The following CSMD1 variants were observed in gnomAD, a reference collection of about 807,000 sequenced individuals.
CSMD1 encodes the protein CUB and sushi domain-containing protein 1.
CSMD1 carries 213 observed loss-of-function variants against 417.5 expected under a neutral mutation model. The ratio of observed to expected loss-of-function variants is 0.51; its 90% CI spans 0.46 to 0.57. The LOEUF (loss-of-function observed/expected upper bound fraction) is 0.57. Ranked by LOEUF, CSMD1 falls within the 20% of genes least tolerant of loss-of-function variation. The probability of loss-of-function intolerance (pLI) is 0.00; values close to 1 mark genes in which losing one functional copy is unlikely to be tolerated. For synonymous variants in CSMD1, 2,862 were observed against 1,736.8 expected (o/e 1.65, Z -16.11); for missense variants, 6,923 against 4,529.7 (o/e 1.53, Z -15.17).
chr8:3,387,478 A>T lies in CSMD1; in HGVS notation c.2782+16T>A. 1 of 1,581,930 alleles carries T rather than the reference A, an allele frequency of 6.3e-7. No individual in the cohort carries two copies. ...GCACACCCTGCTGGTGCATTGCCTC[A>T]CTGAGCTGTACCTACCGTCGCAGCT... On this transcript the variant is annotated intron_variant, in intron 18 of 69. Transcript: ENST00000635120.
chr8:3,837,087 C>T (rs188729382), intron 5 of CSMD1, among the ~76,000 whole-genome samples: 7 of 150,494 alleles, frequency 4.7e-5, no homozygotes, highest in Admixed American at 2.0e-4. Context: ...CTAGGAAGAA[C>T]GCTACCATTG....
At chr8:4,047,425 A>G (rs2554555) in intron 3 of CSMD1, among the ~76,000 whole-genome samples, 83,854 of 152,112 alleles carry the variant, frequency 0.55, 23,827 homozygotes, top group Non-Finnish European at 0.62. Flanking sequence ...AATTGAAATT[A>G]AAATGGCATT....
At chr8:4,943,965 A>G (rs1808200398) in intron 1 of CSMD1, among the ~76,000 whole-genome samples, 1 of 152,214 alleles carries the variant, frequency 6.6e-6, no homozygotes, top group South Asian at 2.1e-4. Context: ...ATTAAGGGAA[A>G]GAAACATGAC....
At chr8:3,839,872 A>C (rs1021531845) in intron 5 of CSMD1, among the ~76,000 whole-genome samples, 86 of 151,896 alleles carry the variant, frequency 5.7e-4, no homozygotes, top group African/African-American at 1.7e-3. Flanking sequence ...GGCAGTTTCT[A>C]AGGATCAGAA....
At chr8:3,987,476 G>C (rs1290686960) in intron 5 of CSMD1, among the ~76,000 whole-genome samples, 2 of 152,180 alleles carry the variant, frequency 1.3e-5, no homozygotes, top group African/African-American at 4.8e-5. Flanking sequence ...CACCCAGCTA[G>C]ATGAGTATCT....
In CSMD1 at chr8:3,671,528, C is replaced by CAT. The variant is rs1278729666; in HGVS notation, c.1009+36884_1009+36885dup. 1.6e-3 allele frequency among the ~76,000 whole-genome samples: 81 copies of CAT among 50,200 alleles called. 5 individuals carry two copies. In the East Asian group the frequency reaches 0.028, roughly 17 times the overall value. 32.9% of individuals were successfully genotyped at this position (50,200 alleles called of 152,430 possible). On this transcript the variant is annotated intron_variant, in intron 7 of 69. Coordinates refer to ENST00000635120, the MANE Select transcript of CSMD1 (RefSeq NM_033225.6). ...ATATATATATGATCATATATATGAT[C>CAT]ATATATATATATATATGATCATATA...
At chr8:3,987,406 A>T (rs1216330450) in intron 5 of CSMD1, among the ~76,000 whole-genome samples, 2 of 152,208 alleles carry the variant, frequency 1.3e-5, no homozygotes, top group Non-Finnish European at 2.9e-5. Context: ...TAATGGATAC[A>T]GGGGTTGTCT....
chr8:3,566,051 C>T (rs747973088), intron 10 of CSMD1, among the ~76,000 whole-genome samples: 3 of 152,166 alleles, frequency 2.0e-5, no homozygotes, highest in Non-Finnish European at 4.4e-5. Flanking sequence ...TCATACGGGA[C>T]CCTGTTTATA....
chr8:3,667,038 C>G (rs924596649), intron 7 of CSMD1, among the ~76,000 whole-genome samples: 1 of 152,118 alleles, frequency 6.6e-6, no homozygotes, highest in Non-Finnish European at 1.5e-5. Context: ...TAGAAGTATG[C>G]TCAGATCCTT....
chr8:4,912,032 G>GA (rs1475725287), intron 1 of CSMD1, among the ~76,000 whole-genome samples: 5 of 128,828 alleles, frequency 3.9e-5, no homozygotes, highest in African/African-American at 5.9e-5. Flanking sequence ...TTTATTAAAG[G>GA]AAAAAAAGAA....
chr8:3,070,973 C>G (rs987913268), intron 49 of CSMD1, among the ~76,000 whole-genome samples: 11 of 152,200 alleles, frequency 7.2e-5, no homozygotes, highest in Non-Finnish European at 7.3e-5. Flanking sequence ...ATCTGTTCAG[C>G]TCCTGGGGAG....
chr8:3,767,410 A>G (rs1798336048), intron 5 of CSMD1, among the ~76,000 whole-genome samples: 1 of 152,212 alleles, frequency 6.6e-6, no homozygotes, highest in African/African-American at 2.4e-5. Flanking sequence ...CCTAAACCTC[A>G]GAATTGTTCA....
At chr8:4,298,495 G>A (rs779100096) in intron 3 of CSMD1, among the ~76,000 whole-genome samples, 1 of 152,022 alleles carries the variant, frequency 6.6e-6, no homozygotes, top group Non-Finnish European at 1.5e-5. Flanking sequence ...TTGAGTAATG[G>A]ATACCTTAAA....
intron 10 of CSMD1, among the ~76,000 whole-genome samples, chr8:3,533,084 A>G (rs982725102): frequency 6.6e-6 from 1 of 152,218 alleles, no homozygotes; most frequent in Non-Finnish European, 1.5e-5. Context: ...CATCCAATGT[A>G]CCTTTCCATC....
rs369074267 is a variant in CSMD1, at chr8:3,772,494, T to A, written c.819-18452A>T. On this transcript the variant is annotated intron_variant, in intron 5 of 69. Coordinates refer to ENST00000635120, the MANE Select transcript of CSMD1 (RefSeq NM_033225.6). Reference sequence around the variant, plus strand: ...ACATATATATACATATATACACATATATACATATATACACATATATACATA... The same window carrying A: ...ACATATATATACATATATACACATAAATACATATATACACATATATACATA... 3.6e-4 allele frequency among the ~76,000 whole-genome samples: 6 copies of A among 16,594 alleles called. 2 individuals carry two copies. Among genetic ancestry groups the A allele is most frequent in the African/African-American group, 9.2e-4 (6 of 6,554 alleles). The allele number at this position is 16,594 out of a possible 152,430, so 10.9% of individuals were successfully genotyped here. A position where few individuals can be genotyped will look rare whatever the true frequency, so the allele number is the denominator to read the frequency against.
chr8:3,813,363 T>C (rs1280326694), intron 5 of CSMD1, among the ~76,000 whole-genome samples: 2 of 152,180 alleles, frequency 1.3e-5, no homozygotes, highest in African/African-American at 4.8e-5. Flanking sequence ...TGCAATGATG[T>C]GAAGTAAATA....
intron 1 of CSMD1, among the ~76,000 whole-genome samples, chr8:4,893,105 C>G (rs563282105): frequency 9.9e-5 from 15 of 152,186 alleles, no homozygotes; most frequent in African/African-American, 3.6e-4. Flanking sequence ...TATTATCTCT[C>G]TTTCTAGTTT....
chr8:3,370,069 T>A (rs1221616059), intron 18 of CSMD1, among the ~76,000 whole-genome samples: 1 of 152,136 alleles, frequency 6.6e-6, no homozygotes, highest in African/African-American at 2.4e-5. Context: ...AAATGGTACC[T>A]ACTGATAGAT....
chr8:4,795,550 C>T (rs1797932539), intron 1 of CSMD1, among the ~76,000 whole-genome samples: 1 of 151,966 alleles, frequency 6.6e-6, no homozygotes, highest in Non-Finnish European at 1.5e-5. Flanking sequence ...GCATGAGCCA[C>T]CGCACCCGGC....
Sources: allele counts gnomAD v4.1 joint callset (sites outside exome capture counted in the v4.1 genomes callset), GRCh38; gene constraint gnomAD v4.1.1; transcripts MANE v1.5; gene names NCBI Gene and HGNC (gene_info 2026-07-23, HGNC 2026-07-21).